Variants in GRM8 observed in about 807,000 individuals in gnomAD.
GRM8 encodes the protein metabotropic glutamate receptor 8.
Under a neutral mutation model 87.2 loss-of-function variants are expected in GRM8, and 47 were observed. The ratio of observed to expected loss-of-function variants is 0.54; its 90% CI spans 0.43 to 0.69. The LOEUF is 0.69. Among genes scored for constraint, GRM8 ranks in the 30% least tolerant of loss-of-function variants. GRM8 has a pLI of 0.00. For missense variants in GRM8, 1,019 were observed against 1,139.2 expected (o/e 0.89, Z 1.52); for synonymous variants, 396 against 404.5 (o/e 0.98, Z 0.25).
intron 6 of GRM8, among the ~76,000 whole-genome samples, chr7:126,783,601 CA>C (rs1248478649): frequency 6.6e-6 from 1 of 152,000 alleles, no homozygotes. Flanking sequence ...AGTGTATTTC[CA>C]AAATAAAGAA....
At chr7:126,466,435 T>A (rs1804508945) in intron 9 of GRM8, among the ~76,000 whole-genome samples, 1 of 151,958 alleles carries the variant, frequency 6.6e-6, no homozygotes, top group South Asian at 2.1e-4. Flanking sequence ...GAATTCTTGA[T>A]TCTGTATAAT....
At chr7:126,753,451 CAT>C (rs966715166) in intron 7 of GRM8, among the ~76,000 whole-genome samples, 44 of 151,646 alleles carry the variant, frequency 2.9e-4, no homozygotes, top group Admixed American at 9.2e-4. Flanking sequence ...TATATACACA[CAT>C]ATATGTACAC....
intron 3 of GRM8, among the ~76,000 whole-genome samples, chr7:127,002,741 A>C (rs1326252386): frequency 6.6e-6 from 1 of 151,740 alleles, no homozygotes; most frequent in African/African-American, 2.4e-5. Flanking sequence ...GGTTTCAGCC[A>C]GGAATGATTT....
intron 7 of GRM8, among the ~76,000 whole-genome samples, chr7:126,768,402 A>G (rs371624632): frequency 6.7e-6 from 1 of 150,218 alleles, no homozygotes; most frequent in Non-Finnish European, 1.5e-5. Context: ...CTCAAAGATT[A>G]TTGGAGTCTA....
At chr7:126,822,000 T>C (rs1794340523) in intron 6 of GRM8, among the ~76,000 whole-genome samples, 1 of 152,156 alleles carries the variant, frequency 6.6e-6, no homozygotes, top group Non-Finnish European at 1.5e-5. Flanking sequence ...TCTTCTTCAT[T>C]GGGGGTTTGT....
intron 8 of GRM8, among the ~76,000 whole-genome samples, chr7:126,577,284 C>A (rs1456643065): frequency 6.6e-6 from 1 of 152,134 alleles, no homozygotes; most frequent in African/African-American, 2.4e-5. Flanking sequence ...GTTGAAAAGC[C>A]AATTTCCAAT....
Position 126,903,775 on chromosome 7 carries a change from G to GTATATATA in GRM8, c.1018+189_1018+196dup, listed in dbSNP as rs544721638. 3.3e-4 allele frequency among the ~76,000 whole-genome samples: 29 copies of GTATATATA among 87,670 alleles called. 1 individual carries two copies. Among genetic ancestry groups the GTATATATA allele is most frequent in the East Asian group, 1.2e-3 (3 of 2,598 alleles). 57.5% of individuals were successfully genotyped at this position (87,670 alleles called of 152,430 possible). ...TATGTGTATATATATATGTGTGTGTGTATATATATATATATATATATATAT... is the reference window on the plus strand; with the variant it reads ...TATGTGTATATATATATGTGTGTGTGTATATATATATATATATATATATATATATATAT... On this transcript the variant is annotated intron_variant, in intron 5 of 10. Coordinates refer to ENST00000339582, the MANE Select transcript of GRM8 (RefSeq NM_000845.3).
At chr7:126,718,724 C>T (rs774465420) in intron 7 of GRM8, among the ~76,000 whole-genome samples, 5 of 152,306 alleles carry the variant, frequency 3.3e-5, no homozygotes, top group East Asian at 1.9e-4. Context: ...ATGTCCAGAA[C>T]GGCCTGAGTG....
chr7:127,048,158 G>A (rs1272870267), intron 3 of GRM8, among the ~76,000 whole-genome samples: 1 of 152,226 alleles, frequency 6.6e-6, no homozygotes, highest in Non-Finnish European at 1.5e-5. Context: ...TGGTAAGCGG[G>A]AAGGGGAGGG....
At position 126,714,151 on chromosome 7, in the gene GRM8, G is replaced by T. The variant is rs964183842; in HGVS notation, c.1357+55714C>A. On this transcript the variant is annotated intron_variant, in intron 7 of 10. Transcript: ENST00000339582. ...AAATTAGCTGGGTGTGGTGATGTAT[G>T]CCTGTAGTTCCAGCTACTTGGGAGG... Among the ~76,000 whole-genome samples, 63 of 151,106 alleles carry T rather than the reference G, an allele frequency of 4.2e-4. 1 individual carries two copies. Among genetic ancestry groups the T allele is most frequent in the Admixed American group, 4.6e-4 (7 of 15,104 alleles).
intron 8 of GRM8, among the ~76,000 whole-genome samples, chr7:126,608,444 A>T (rs1472993928): frequency 4.6e-5 from 7 of 152,140 alleles, no homozygotes; most frequent in African/African-American, 7.2e-5. Flanking sequence ...TGGCAGGCAA[A>T]TGCCCAGGTG....
intron 7 of GRM8, among the ~76,000 whole-genome samples, chr7:126,628,510 G>C (rs1585280180): frequency 6.6e-6 from 1 of 152,118 alleles, no homozygotes; most frequent in South Asian, 2.1e-4. Context: ...TTATACTGCA[G>C]TCAAAATGGA....
In GRM8 at chr7:127,004,408, A is replaced by G. The variant is rs530814932; in HGVS notation, c.728-99725T>C. 1.1e-4 allele frequency among the ~76,000 whole-genome samples: 16 copies of G among 151,838 alleles called. No homozygotes were observed. In the South Asian group the frequency reaches 3.3e-3, roughly 31 times the overall value. ...TTTGAGAAACATCACAGTAATGCAG[A>G]TAAAAGACACAGAAACAAAAACAAT... On this transcript the variant is annotated intron_variant, in intron 3 of 10. Transcript: ENST00000339582.
At chr7:126,751,927 A>T (rs779134037) in intron 7 of GRM8, among the ~76,000 whole-genome samples, 3 of 152,122 alleles carry the variant, frequency 2.0e-5, no homozygotes, top group Non-Finnish European at 2.9e-5. Context: ...TCACTACCTC[A>T]TTATCACTGG....
intron 8 of GRM8, among the ~76,000 whole-genome samples, chr7:126,561,083 A>G (rs1355074563): frequency 2.6e-5 from 4 of 152,216 alleles, no homozygotes; most frequent in Non-Finnish European, 2.9e-5. Flanking sequence ...ATTGAAATAT[A>G]TATTCCTGCT....
intron 3 of GRM8, among the ~76,000 whole-genome samples, chr7:126,968,530 G>A (rs953674800): frequency 3.3e-5 from 5 of 152,138 alleles, no homozygotes; most frequent in African/African-American, 9.7e-5. Context: ...AGTATTACCT[G>A]AGTTCTGCTA....
chr7:126,704,492 A>T (rs965808648), intron 7 of GRM8, among the ~76,000 whole-genome samples: 1 of 152,222 alleles, frequency 6.6e-6, no homozygotes, highest in Admixed American at 6.5e-5. Context: ...TTCAGGGAAT[A>T]AAAGAGATAA....
chr7:126,878,703 G>A (rs62470226), intron 6 of GRM8, among the ~76,000 whole-genome samples: 12,879 of 151,782 alleles, frequency 0.085, 608 homozygotes, highest in Middle Eastern at 0.14. Flanking sequence ...TGTGCTTTTA[G>A]CAGAGATGGG....
chr7:126,685,916 G>A lies in GRM8; in HGVS notation c.1358-76418C>T, dbSNP rs938540808. Among the ~76,000 whole-genome samples the A allele has an allele frequency of 1.3e-5, 2 of 151,876 alleles. No homozygotes were observed. Among genetic ancestry groups the A allele is most frequent in the African/African-American group, 2.4e-5 (1 of 41,344 alleles). On this transcript the variant is annotated intron_variant, in intron 7 of 10. Transcript: ENST00000339582. The surrounding 1 kb of genome is among the most constrained non-coding windows in gnomAD (Gnocchi z 4.2). ...GCATACCAGAAGGTGAACTCGTAGC[G>A]CTTTTCCCTGGGCCCTCGTGGGTGC...
Sources: allele counts gnomAD v4.1 joint callset (sites outside exome capture counted in the v4.1 genomes callset), GRCh38; gene constraint gnomAD v4.1.1; non-coding constraint Gnocchi (gnomAD v3.1); transcripts MANE v1.5; gene names NCBI Gene and HGNC (gene_info 2026-07-23, HGNC 2026-07-21).